CNTNAP5: variants seen among roughly 807,000 people sequenced by gnomAD.
CNTNAP5 encodes contactin-associated protein-like 5.
A neutral mutation model predicts 150.2 loss-of-function variants in CNTNAP5; 72 were observed. The observed-to-expected ratio is 0.48, with a 90% CI of 0.40 to 0.58. CNTNAP5 has a LOEUF of 0.58. CNTNAP5 is among the 20% of genes least tolerant of loss of function. The pLI, the probability that CNTNAP5 is intolerant of heterozygous loss-of-function variation, is 0.00. For missense variants in CNTNAP5, 1,636 were observed against 1,626.2 expected, an observed-to-expected ratio of 1.01 and a Z score of -0.10; for synonymous variants, 672 against 619.8, an observed-to-expected ratio of 1.08 and a Z score of -1.25.
chr2:124,125,249 C>A (rs925130408), intron 1 of CNTNAP5, among the ~76,000 whole-genome samples: 1 of 152,086 alleles, frequency 6.6e-6, no homozygotes, highest in Non-Finnish European at 1.5e-5. Context: ...CAAAAAAAAG[C>A]AAGGGTTGCA....
intron 13 of CNTNAP5, among the ~76,000 whole-genome samples, chr2:124,701,051 C>T (rs1279740640): frequency 6.6e-6 from 1 of 151,996 alleles, no homozygotes; most frequent in Admixed American, 6.6e-5. Context: ...GAATCCCATA[C>T]ACAGTACGCT....
intron 3 of CNTNAP5, among the ~76,000 whole-genome samples, chr2:124,317,675 C>T (rs1355173174): frequency 6.6e-6 from 1 of 151,982 alleles, no homozygotes; most frequent in Admixed American, 6.6e-5. Flanking sequence ...TACTAATAGG[C>T]AATTATTAAA....
intron 14 of CNTNAP5, among the ~76,000 whole-genome samples, chr2:124,753,998 G>A (rs150293978): frequency 5.8e-4 from 89 of 152,298 alleles, no homozygotes; most frequent in African/African-American, 2.0e-3. Flanking sequence ...CAAGGGCCCT[G>A]CATTCCCTTC....
intron 22 of CNTNAP5, 53 bp from the exon 23 acceptor site, chr2:124,911,414 C>G: frequency 7.2e-7 from 1 of 1,381,912 alleles, no homozygotes. Flanking sequence ...CTGTAGGCTT[C>G]TTGCCAGTGC....
rs150483975 is a variant in CNTNAP5 at position 124,786,507 on chromosome 2, A to AAAAGAAAGAAAGAAAG, written c.2753-3393_2753-3378dup. ...AGGAGGGAAGGAAGGGAGGGAAAGA[A>AAAAGAAAGAAAGAAAG]AAAGAAAGAAAGAAAGAGAAAGAAA... On this transcript the variant is annotated intron_variant, in intron 17 of 23. Coordinates refer to ENST00000682447, the MANE Select transcript of CNTNAP5 (RefSeq NM_001367498.1). Among the ~76,000 whole-genome samples, 40 of 132,144 alleles carry AAAAGAAAGAAAGAAAG rather than the reference A, an allele frequency of 3.0e-4. 2 individuals are homozygous for AAAAGAAAGAAAGAAAG. The highest frequency in any genetic ancestry group is 1.2e-3 in the African/African-American group (37 of 31,080). The allele number at this position is 132,144 out of a possible 152,430, so 86.7% of individuals were successfully genotyped here. A position where few individuals can be genotyped will look rare whatever the true frequency, so the allele number is the denominator to read the frequency against.
chr2:124,438,948 AGCT>A (rs1402597470), intron 5 of CNTNAP5, among the ~76,000 whole-genome samples: 12 of 152,216 alleles, frequency 7.9e-5, no homozygotes, highest in Non-Finnish European at 1.8e-4. Flanking sequence ...AAGGTCACAT[AGCT>A]GCAAAGCTGT....
At chr2:124,197,211 T>C (rs1222557419) in intron 1 of CNTNAP5, among the ~76,000 whole-genome samples, 1 of 152,182 alleles carries the variant, frequency 6.6e-6, no homozygotes, top group African/African-American at 2.4e-5. Flanking sequence ...GTGGGAATCA[T>C]TCCATGGATC....
chr2:124,260,861 T>C lies in CNTNAP5; in HGVS notation c.381+18468T>C, dbSNP rs931612887. On this transcript the variant is annotated intron_variant, in intron 3 of 23. Transcript: ENST00000682447. Reference sequence around the variant, plus strand: ...CAGCTCTGACTCTAGTTAGATATAATACATGTCATACTTATAGACACACGT... The same window carrying C: ...CAGCTCTGACTCTAGTTAGATATAACACATGTCATACTTATAGACACACGT... 3.3e-5 allele frequency among the ~76,000 whole-genome samples: 5 copies of C among 152,290 alleles called. No individual in the cohort carries two copies. In the South Asian group the frequency reaches 8.3e-4, roughly 25 times the overall value.
At chr2:124,788,676 C>A (rs1226374463) in intron 17 of CNTNAP5, among the ~76,000 whole-genome samples, 1 of 150,826 alleles carries the variant, frequency 6.6e-6, no homozygotes, top group Admixed American at 6.6e-5. Context: ...TCTCGGCTCA[C>A]TGTAGCCTCC....
At chr2:124,610,390 T>C (rs1045179117) in intron 12 of CNTNAP5, among the ~76,000 whole-genome samples, 2 of 152,188 alleles carry the variant, frequency 1.3e-5, no homozygotes, top group African/African-American at 4.8e-5. Context: ...TAATAGTGGC[T>C]ACCCCCAGAG....
At chr2:124,817,285 C>CGGTG (rs1309698739) in intron 19 of CNTNAP5, among the ~76,000 whole-genome samples, 1 of 152,082 alleles carries the variant, frequency 6.6e-6, no homozygotes, top group Admixed American at 6.6e-5. Flanking sequence ...GGGATTTATA[C>CGGTG]GGTGATAGAA....
chr2:124,812,093 TATATAATTTATATTTATATATTATATA>T (rs1558785571), intron 19 of CNTNAP5, among the ~76,000 whole-genome samples: 1,916 of 100,160 alleles, frequency 0.019, 15 homozygotes, highest in Non-Finnish European at 0.03. Flanking sequence ...TATTATATAA[TATATAATTTATATTTATATATTATATA>T]ATATATAATT....
chr2:124,299,145 TA>T (rs960485995), intron 3 of CNTNAP5, among the ~76,000 whole-genome samples: 10 of 152,216 alleles, frequency 6.6e-5, no homozygotes, highest in Non-Finnish European at 1.0e-4. Context: ...CATCACAGAT[TA>T]AATCCCAGGT....
At chr2:124,356,801 T>G (rs924627450) in intron 3 of CNTNAP5, among the ~76,000 whole-genome samples, 24 of 151,702 alleles carry the variant, frequency 1.6e-4, no homozygotes, top group African/African-American at 5.6e-4. Context: ...GCATGATTTA[T>G]AGTCCTTTGG....
In CNTNAP5 at chr2:124,571,527, C is replaced by CTTTTTCTTTTTCTCTTTGTTTTCTTTT; in HGVS notation, c.1756+8209_1756+8210insCTTTTTCTCTTTGTTTTCTTTTTTTTT. ...CACTGAGTACTTTTTTTTCTTTTTT[C>CTTTTTCTTTTTCTCTTTGTTTTCTTTT]TTTTTTTTTTTTTTTTTTTTTGAGA... On this transcript the variant is annotated intron_variant, in intron 11 of 23. Transcript: ENST00000682447. 5.4e-3 allele frequency among the ~76,000 whole-genome samples: 251 copies of CTTTTTCTTTTTCTCTTTGTTTTCTTTT among 46,806 alleles called. 10 individuals carry two copies. Among genetic ancestry groups the CTTTTTCTTTTTCTCTTTGTTTTCTTTT allele is most frequent in the African/African-American group, 0.024 (238 of 9,718 alleles). 30.7% of individuals were successfully genotyped at this position (46,806 alleles called of 152,430 possible).
intron 13 of CNTNAP5, among the ~76,000 whole-genome samples, chr2:124,699,097 A>G (rs1482101906): frequency 6.6e-6 from 1 of 152,180 alleles, no homozygotes; most frequent in Non-Finnish European, 1.5e-5. Flanking sequence ...TATGGCTGAC[A>G]GCTACAATAC....
Position 124,899,042 on chromosome 2 carries a change from A to G in CNTNAP5, c.3437-3840A>G, listed in dbSNP as rs766745224. 1.1e-4 allele frequency among the ~76,000 whole-genome samples: 16 copies of G among 151,566 alleles called. 1 individual carries two copies. In the South Asian group the frequency reaches 1.2e-3, roughly 12 times the overall value. On this transcript the variant is annotated intron_variant, in intron 21 of 23. Coordinates refer to ENST00000682447, the MANE Select transcript of CNTNAP5 (RefSeq NM_001367498.1). ...GACAGTAGATTTTAAGTTTTTTCACACCACACACAAATGGTATATAAGGTG... is the reference window on the plus strand; with the variant it reads ...GACAGTAGATTTTAAGTTTTTTCACGCCACACACAAATGGTATATAAGGTG...
chr2:124,227,777 G>T (rs1686501284), intron 2 of CNTNAP5, among the ~76,000 whole-genome samples: 1 of 151,418 alleles, frequency 6.6e-6, no homozygotes. Flanking sequence ...TGAGGGTGGG[G>T]GGAGGCGGAA....
chr2:124,829,096 C>T (rs1281503308), intron 19 of CNTNAP5, among the ~76,000 whole-genome samples: 1 of 152,118 alleles, frequency 6.6e-6, no homozygotes, highest in Non-Finnish European at 1.5e-5. Context: ...GTCATTCATA[C>T]TTTAAGGAAT....
Sources: allele counts gnomAD v4.1 joint callset (sites outside exome capture counted in the v4.1 genomes callset), GRCh38; gene constraint gnomAD v4.1.1; transcripts MANE v1.5; gene names NCBI Gene and HGNC (gene_info 2026-07-23, HGNC 2026-07-21).